Variants in GPHN observed in about 807,000 individuals in gnomAD.
GPHN encodes the protein gephyrin.
GPHN carries 17 observed loss-of-function variants against 95.5 expected under a neutral mutation model. The ratio of observed to expected loss-of-function variants is 0.18; its 90% confidence interval spans 0.12 to 0.27. The LOEUF is 0.27. Ranked by LOEUF, GPHN falls within the 10% of genes least tolerant of loss-of-function variation. The probability of loss-of-function intolerance (pLI) is 1.00; values close to 1 mark genes in which losing one functional copy is unlikely to be tolerated. For missense variants in GPHN, 660 were observed against 978.1 expected, an observed-to-expected ratio of 0.67 and a Z score of 4.34; for synonymous variants, 320 against 322.5, an observed-to-expected ratio of 0.99 and a Z score of 0.08.
chr14:66,962,534 T>G (rs1299038127), intron 8 of GPHN, among the ~76,000 whole-genome samples: 1 of 151,860 alleles, frequency 6.6e-6, no homozygotes, highest in African/African-American at 2.4e-5. Context: ...TTACTTCCCC[T>G]TATTCTCATC....
intron 5 of GPHN, among the ~76,000 whole-genome samples, chr14:66,891,519 A>G (rs1485484668): frequency 2.0e-5 from 3 of 152,146 alleles, no homozygotes; most frequent in African/African-American, 7.2e-5. Flanking sequence ...CCTGTACACA[A>G]GAGCTGAAAC....
the GPHN span, chr14:67,572,180 C>T: frequency 4.4e-6 from 7 of 1,607,850 alleles, no homozygotes; most frequent in Non-Finnish European, 5.9e-6. Flanking sequence ...TACGCCATCC[C>T]CCCGGACGCC....
chr14:67,373,842 A>AGTGTGTGTGTGTGTGTGT, the GPHN span, among the ~76,000 whole-genome samples: 19 of 145,796 alleles, frequency 1.3e-4, no homozygotes, highest in African/African-American at 4.2e-4. Context: ...TAATTTGTTC[A>AGTGTGTGTGTGTGTGTGT]GTGTGTGTGT....
intron 1 of GPHN, among the ~76,000 whole-genome samples, chr14:66,569,962 C>T (rs1012831168): frequency 2.6e-5 from 4 of 152,074 alleles, no homozygotes; most frequent in Non-Finnish European, 5.9e-5. Context: ...CCATCCCTAG[C>T]CCCTGAGAAC....
intron 12 of GPHN, among the ~76,000 whole-genome samples, chr14:67,090,128 T>C (rs1046159641): frequency 6.6e-6 from 1 of 152,154 alleles, no homozygotes; most frequent in African/African-American, 2.4e-5. Flanking sequence ...TTGATATCAT[T>C]GAAGAAACAT....
At chr14:67,090,886 C>G (rs1027255712) in intron 12 of GPHN, among the ~76,000 whole-genome samples, 1 of 151,424 alleles carries the variant, frequency 6.6e-6, no homozygotes, top group Non-Finnish European at 1.5e-5. Context: ...CTTACCCCAG[C>G]AGGTTGTTGT....
At chr14:67,060,988 C>G (rs2075802772) in intron 11 of GPHN, among the ~76,000 whole-genome samples, 1 of 152,166 alleles carries the variant, frequency 6.6e-6, no homozygotes, top group Non-Finnish European at 1.5e-5. Context: ...CCTCTTAAAA[C>G]TGTCCCTTGT....
In GPHN at chr14:66,533,758, A is replaced by G. The variant is rs144115016; in HGVS notation, c.64+25167A>G. On this transcript the variant is annotated intron_variant, in intron 1 of 22. Coordinates refer to ENST00000478722, the MANE Select transcript of GPHN (RefSeq NM_020806.5). ...TGGCAGCATGCAGTTGTCTGATTTT[A>G]GCCATCTTAAATTGGAATTACAGGA... Among the ~76,000 whole-genome samples, 1,435 of 152,354 alleles carry G rather than the reference A, an allele frequency of 9.4e-3. 29 individuals are homozygous for G. Among genetic ancestry groups the G allele is most frequent in the African/African-American group, 0.034 (1,396 of 41,582 alleles).
chr14:67,095,455 T>G (rs2077323748), intron 12 of GPHN, among the ~76,000 whole-genome samples: 1 of 152,180 alleles, frequency 6.6e-6, no homozygotes, highest in Non-Finnish European at 1.5e-5. Context: ...CTATAAATCA[T>G]GCTGCTATAA....
At chr14:67,253,476 A>G in the GPHN span, among the ~76,000 whole-genome samples, 1 of 152,174 alleles carries the variant, frequency 6.6e-6, no homozygotes, top group African/African-American at 2.4e-5. Flanking sequence ...CAGCTTCTCT[A>G]TTTGACTCAA....
the GPHN span, among the ~76,000 whole-genome samples, chr14:67,715,622 C>T: frequency 6.6e-6 from 1 of 152,346 alleles, no homozygotes; most frequent in East Asian, 1.9e-4. Flanking sequence ...CTACTTTACT[C>T]TATTTCAGTC....
At chr14:66,633,287 A>AT (rs2063922053) in intron 1 of GPHN, among the ~76,000 whole-genome samples, 1 of 152,176 alleles carries the variant, frequency 6.6e-6, no homozygotes, top group African/African-American at 2.4e-5. Flanking sequence ...AAACAGCACA[A>AT]TTTGAGTTTG....
chr14:67,473,974 C>T, the GPHN span: 75 of 1,535,364 alleles, frequency 4.9e-5, no homozygotes, highest in Middle Eastern at 2.3e-4. This position sits in a 1 kb window ranked among gnomAD's most constrained non-coding sequence, Gnocchi z 6.5. Flanking sequence ...AGGTGAGGGC[C>T]GGGCGCGGTG....
Position 66,508,565 on chromosome 14 carries a change from A to T in GPHN, c.38A>T (p.His13Leu), listed in dbSNP as rs767573867. 1.2e-6 allele frequency: 2 copies of T among 1,613,946 alleles called. No individual in the cohort carries two copies. The highest frequency in any genetic ancestry group is 1.7e-6 in the Non-Finnish European group (2 of 1,179,868). Residue 13 changes from histidine (H) to leucine (L), a missense_variant, in exon 1 of 23, where the codon CAT becomes CTT. Coordinates refer to ENST00000478722, the MANE Select transcript of GPHN (RefSeq NM_020806.5). The stretch of plus-strand genomic sequence containing the variant: ...GGAATGATCCTTACTAACCACGACC[A>T]TCAAATCCGTGTCGGAGTCCTTACA... ...TEGMILTNHD[H>L]QIRVGVLTVS... is the part of the protein sequence containing the mutation.
intron 1 of GPHN, among the ~76,000 whole-genome samples, chr14:66,582,210 T>C (rs34616064): frequency 0.092 from 14,027 of 151,782 alleles, 888 homozygotes; most frequent in Non-Finnish European, 0.15. Flanking sequence ...GGTATGAAAA[T>C]AGAATTCATA....
At chr14:66,845,070 C>T (rs2062263542) in intron 4 of GPHN, among the ~76,000 whole-genome samples, 1 of 152,142 alleles carries the variant, frequency 6.6e-6, no homozygotes, top group African/African-American at 2.4e-5. Context: ...CCCTTTTTAA[C>T]TCTGACCATT....
At chr14:66,721,672 C>T (rs1295120223) in intron 2 of GPHN, among the ~76,000 whole-genome samples, 1 of 151,982 alleles carries the variant, frequency 6.6e-6, no homozygotes, top group African/African-American at 2.4e-5. Context: ...TGATTTGGGC[C>T]GGGCACAGTG....
At position 66,572,482 on chromosome 14, in the gene GPHN, CTGTG is replaced by C. The variant is rs60787589; in HGVS notation, c.64+63913_64+63916del. Among the ~76,000 whole-genome samples the C allele has an allele frequency of 2.6e-3, 383 of 148,546 alleles. 4 individuals carry two copies. The highest frequency in any genetic ancestry group is 7.5e-3 in the African/African-American group (306 of 40,864). ...CAATTCCTTGGTTAAATTTATTCCT[CTGTG>C]TGTGTGTGTGTGTGTGTGTGTATAC... On this transcript the variant is annotated intron_variant, in intron 1 of 22. Transcript: ENST00000478722.
chr14:67,279,475 C>T, the GPHN span: 5 of 1,603,078 alleles, frequency 3.1e-6, no homozygotes. Context: ...ATAGATAACC[C>T]TATGTTTGAT....
Sources: allele counts gnomAD v4.1 joint callset (sites outside exome capture counted in the v4.1 genomes callset), GRCh38; gene constraint gnomAD v4.1.1; non-coding constraint Gnocchi (gnomAD v3.1); transcripts MANE v1.5; gene names NCBI Gene and HGNC (gene_info 2026-07-23, HGNC 2026-07-21).